The following RABEP1 variants were observed in gnomAD, a reference collection of about 807,000 sequenced individuals.
RABEP1 encodes rab GTPase-binding effector protein 1.
RABEP1 carries 51 observed loss-of-function variants against 123.4 expected under a neutral mutation model. The ratio of observed to expected loss-of-function variants is 0.41; its 90% CI spans 0.33 to 0.52. The LOEUF is 0.52. Among genes scored for constraint, RABEP1 ranks in the 20% least tolerant of loss-of-function variants. The probability of loss-of-function intolerance (pLI) is 0.16; values close to 1 mark genes in which losing one functional copy is unlikely to be tolerated. For synonymous variants in RABEP1, 347 were observed against 355.2 expected, an observed-to-expected ratio of 0.98 and a Z score of 0.26; for missense variants, 888 against 996.3, an observed-to-expected ratio of 0.89 and a Z score of 1.46.
intron 1 of RABEP1, among the ~76,000 whole-genome samples, chr17:5,294,888 T>G (rs2075067786): frequency 6.6e-6 from 1 of 151,476 alleles, no homozygotes; most frequent in Non-Finnish European, 1.5e-5. Context: ...CCTTGTGATC[T>G]GCCGGCCTCG....
intron 5 of RABEP1, among the ~76,000 whole-genome samples, chr17:5,343,919 A>G (rs1450066212): frequency 6.6e-6 from 1 of 151,476 alleles, no homozygotes; most frequent in Non-Finnish European, 1.5e-5. Flanking sequence ...CATGTGATCC[A>G]CTCACCTTGG....
intron 16 of RABEP1, 92 bp downstream of exon 16, chr17:5,380,554 G>A (rs759350042): frequency 9.1e-7 from 1 of 1,097,820 alleles, no homozygotes. Context: ...TTGGTGCTTT[G>A]AAGTGTCACC....
intron 2 of RABEP1, among the ~76,000 whole-genome samples, chr17:5,321,358 G>GT (rs1567520264): frequency 6.6e-6 from 1 of 152,210 alleles, no homozygotes; most frequent in Non-Finnish European, 1.5e-5. Context: ...TGAGAGGATC[G>GT]TTTAAGCCCA....
At position 5,296,597 on chromosome 17, in the gene RABEP1, C is replaced by T. The variant is rs771708104; in HGVS notation, c.35-12097C>T. On this transcript the variant is annotated intron_variant, in intron 1 of 17. Transcript: ENST00000537505. ...TCTTGATTATACTAGCTTGGTAAAA[C>T]GGGAAACATTTCATTTTTTTCTATG... 5.9e-5 allele frequency among the ~76,000 whole-genome samples: 9 copies of T among 152,078 alleles called. No individual in the cohort carries two copies. The East Asian group carries it at 7.7e-4, about 13-fold the overall frequency.
chr17:5,368,553 T>C (rs1039712685), intron 12 of RABEP1, 85 bp downstream of exon 12: 11 of 971,388 alleles, frequency 1.1e-5, no homozygotes, highest in Non-Finnish European at 1.8e-5. Flanking sequence ...TGATAGGAAT[T>C]TATCATCCTG....
chr17:5,300,155 G>T (rs1429598147), intron 1 of RABEP1, among the ~76,000 whole-genome samples: 6 of 152,292 alleles, frequency 3.9e-5, no homozygotes, highest in South Asian at 2.1e-4. Context: ...AATCTACCCA[G>T]CTAAGCATTC....
chr17:5,367,879 C>T (rs1910196694), intron 11 of RABEP1, among the ~76,000 whole-genome samples: 1 of 150,882 alleles, frequency 6.6e-6, no homozygotes, highest in Non-Finnish European at 1.5e-5. Flanking sequence ...CCTCAGCCTC[C>T]CGAGTAGCTG....
rs1353393750 is a variant in RABEP1 at position 5,373,339 on chromosome 17, A to G, written c.1910A>G (p.Gln637Arg). 6.2e-7 allele frequency: 1 copy of G among 1,613,288 alleles called. No homozygotes were observed. The highest frequency in any genetic ancestry group is 2.2e-5 in the East Asian group (1 of 44,802). ...QMAVLMQSRE[Q>R]VSEELVRLQK... is the part of the protein sequence containing the mutation. ...GCGGTGCTGATGCAGTCACGGGAAC[A>G]GGTTTCAGAAGAGCTGGTGAGGTTA... The change falls in exon 13 of 18, where the codon CAG (glutamine) becomes CGG (arginine). Residue 637 changes from glutamine to arginine, a missense_variant. Coordinates refer to ENST00000537505, the MANE Select transcript of RABEP1 (RefSeq NM_004703.6).
intron 4 of RABEP1, chr17:5,336,699 C>G (rs1219473652): frequency 4.0e-6 from 1 of 250,236 alleles, no homozygotes; most frequent in African/African-American, 2.3e-5. Flanking sequence ...CAGTTCTTTG[C>G]TTCCTCCCTC....
rs756114001 is a variant in RABEP1 at position 5,377,144 on chromosome 17, G to A, written c.2054G>A (p.Arg685His). ...CTGCGGGAGTTGGTATTAAAATACC[G>A]TGAGGACATCATTAATGTGCGGACA... ...EALRELVLKY[R>H]EDIINVRTAA... is the part of the protein sequence containing the mutation. The change falls in exon 14 of 18, where the codon CGT becomes CAT. Residue 685 changes from arginine to histidine, a missense_variant. By Grantham distance (29) the Arg-to-His change is conservative (BLOSUM62 0). Coordinates refer to ENST00000537505, the MANE Select transcript of RABEP1 (RefSeq NM_004703.6). 3.7e-5 allele frequency: 59 copies of A among 1,604,680 alleles called. No homozygotes were observed. The highest frequency in any genetic ancestry group is 4.8e-5 in the Non-Finnish European group (56 of 1,177,848).
intron 2 of RABEP1, among the ~76,000 whole-genome samples, chr17:5,311,697 C>CAAAAAAAAA (rs35876639): frequency 5.6e-5 from 4 of 70,878 alleles, no homozygotes; most frequent in African/African-American, 1.2e-4. Flanking sequence ...GACTTCATCT[C>CAAAAAAAAA]AAAAAAAAAA....
intron 10 of RABEP1, 55 bp from the exon 11 acceptor site, chr17:5,365,067 A>C: frequency 8.0e-7 from 1 of 1,251,930 alleles, no homozygotes; most frequent in East Asian, 2.5e-5. Context: ...GATTTAAAAA[A>C]AAAAAAATTA....
At chr17:5,371,384 C>G (rs1000423749) in intron 12 of RABEP1, 1 of 152,146 alleles carries the variant, frequency 6.6e-6, no homozygotes, top group Non-Finnish European at 1.5e-5. Flanking sequence ...ATTTCCATTC[C>G]CTGTCCTTTT....
chr17:5,302,581 A>AT (rs1342969153), intron 1 of RABEP1, among the ~76,000 whole-genome samples: 2 of 138,848 alleles, frequency 1.4e-5, no homozygotes, highest in East Asian at 4.3e-4. Flanking sequence ...AAGCTTTTTA[A>AT]TTTTTTAGAC....
At chr17:5,347,446 CAAACAAAA>C (rs1381047795) in intron 6 of RABEP1, among the ~76,000 whole-genome samples, 1 of 136,422 alleles carries the variant, frequency 7.3e-6, no homozygotes, top group Admixed American at 7.1e-5. Flanking sequence ...AACAAACAAA[CAAACAAAA>C]CATCACCAGG....
At chr17:5,296,442 T>C (rs1597329789) in intron 1 of RABEP1, among the ~76,000 whole-genome samples, 2 of 152,226 alleles carry the variant, frequency 1.3e-5, no homozygotes, top group East Asian at 1.9e-4. Flanking sequence ...TTTGTATTTT[T>C]AGTAGACTGG....
chr17:5,306,645 A>G (rs1392783624), intron 1 of RABEP1, among the ~76,000 whole-genome samples: 1 of 151,164 alleles, frequency 6.6e-6, no homozygotes, highest in Non-Finnish European at 1.5e-5. Flanking sequence ...AAAAAGATAC[A>G]TGATAATAGA....
Position 5,335,175 on chromosome 17 carries a change from G to A in RABEP1, c.368-9G>A. 1 of 1,597,064 alleles carries A rather than the reference G, an allele frequency of 6.3e-7. No individual in the cohort carries two copies. Among genetic ancestry groups the A allele is most frequent in the Non-Finnish European group, 8.5e-7 (1 of 1,170,818 alleles). Reference sequence around the variant, plus strand: ...GCTTAGATGTGAAATATGTGGTGATGTTTTGTAGAAACAGTTCGTGACTAT... The same window carrying A: ...GCTTAGATGTGAAATATGTGGTGATATTTTGTAGAAACAGTTCGTGACTAT... On this transcript the variant is annotated splice_polypyrimidine_tract_variant and intron_variant, in intron 3 of 17. Transcript: ENST00000537505.
chr17:5,293,294 C>CA (rs879454476), intron 1 of RABEP1, among the ~76,000 whole-genome samples: 2,440 of 145,688 alleles, frequency 0.017, 71 homozygotes, highest in African/African-American at 0.056. Flanking sequence ...TCTCCCCCCT[C>CA]AAAAAAAAAA....
Sources: allele counts gnomAD v4.1 joint callset (sites outside exome capture counted in the v4.1 genomes callset), GRCh38; gene constraint gnomAD v4.1.1; transcripts MANE v1.5; gene names NCBI Gene and HGNC (gene_info 2026-07-23, HGNC 2026-07-21).